The following COL4A3 variants were observed in gnomAD, a reference collection of about 807,000 sequenced individuals.
COL4A3 encodes the protein collagen type IV alpha 3 chain.
COL4A3 carries 135 observed loss-of-function variants against 217.4 expected under a neutral mutation model. The ratio of observed to expected loss-of-function variants is 0.62; its 90% CI spans 0.54 to 0.72. The LOEUF (loss-of-function observed/expected upper bound fraction) is 0.72, where lower values mean the gene tolerates loss of function less well. Among genes scored for constraint, COL4A3 ranks in the 30% least tolerant of loss-of-function variants. The pLI, the probability that COL4A3 is intolerant of heterozygous loss-of-function variation, is 0.00. For missense variants in COL4A3, 1,868 were observed against 2,119.9 expected, an observed-to-expected ratio of 0.88 and a Z score of 2.33; for synonymous variants, 690 against 736.3, an observed-to-expected ratio of 0.94 and a Z score of 1.02.
chr2:227,247,656 T>C lies in COL4A3; in HGVS notation c.468+72T>C, dbSNP rs78706558. On this transcript the variant is annotated intron_variant, in intron 8 of 51. Transcript: ENST00000396578. ...TATGAAAAGGACGTCTATTAAATAA[T>C]GAGACTTAAGTCATTACAAATAAGA... 7.8e-4 allele frequency: 1,104 copies of C among 1,406,510 alleles called. 8 individuals are homozygous for C. The African/African-American group carries it at 0.014, about 18-fold the overall frequency. The allele number at this position is 1,406,510 out of a possible 1,614,324, so 87.1% of individuals were successfully genotyped here.
rs1401465397 is a variant in COL4A3, at chr2:227,304,193, A to G, written c.4153+49A>G. 6 of 1,610,816 alleles carry G rather than the reference A, an allele frequency of 3.7e-6. No homozygotes were observed. The East Asian group carries it at 1.3e-4, about 36-fold the overall frequency. On this transcript the variant is annotated intron_variant, in intron 46 of 51. Transcript: ENST00000396578. ...TGGATCACTAGGAAGTGGTTGAACCAAAATACCTGTAAACTGCTTTGGAAA... is the reference window on the plus strand; with the variant it reads ...TGGATCACTAGGAAGTGGTTGAACCGAAATACCTGTAAACTGCTTTGGAAA...
intron 41 of COL4A3, among the ~76,000 whole-genome samples, chr2:227,296,885 A>G (rs1453793259): frequency 2.0e-5 from 3 of 152,068 alleles, no homozygotes; most frequent in Non-Finnish European, 4.4e-5. Flanking sequence ...CTGCACATCT[A>G]TCTTCCGTTT....
chr2:227,271,194 T>C (rs1031701732), intron 25 of COL4A3, among the ~76,000 whole-genome samples: 5 of 152,154 alleles, frequency 3.3e-5, no homozygotes, highest in Non-Finnish European at 5.9e-5. Context: ...TGACCCCATC[T>C]CATACACAAA....
intron 1 of COL4A3, among the ~76,000 whole-genome samples, chr2:227,215,124 A>G (rs943719069): frequency 6.6e-6 from 1 of 151,926 alleles, no homozygotes; most frequent in Non-Finnish European, 1.5e-5. Context: ...CATTTTGTGG[A>G]TAGGTCAAGA....
At chr2:227,238,670 C>T (rs1365709626) in intron 2 of COL4A3, among the ~76,000 whole-genome samples, 1 of 152,112 alleles carries the variant, frequency 6.6e-6, no homozygotes, top group Non-Finnish European at 1.5e-5. Context: ...TGTTTAACAA[C>T]ATTGAAGGAT....
At chr2:227,229,518 G>A (rs72977863) in intron 1 of COL4A3, among the ~76,000 whole-genome samples, 48,730 of 152,030 alleles carry the variant, frequency 0.32, 8,248 homozygotes, top group Non-Finnish European at 0.36. Context: ...ACTTCAAGAG[G>A]AAATGTCAGG....
At chr2:227,249,230 A>ATATATATATATATTTTTTTT in intron 9 of COL4A3, among the ~76,000 whole-genome samples, 1 of 14,690 alleles carries the variant, frequency 6.8e-5, no homozygotes, top group African/African-American at 2.7e-4. Flanking sequence ...ATATATATAT[A>ATATATATATATATTTTTTTT]TTTTTTTTTT....
At chr2:227,263,677 T>C (rs1471017320) in intron 20 of COL4A3, 103 bp from the exon 21 acceptor site, 7 of 1,219,296 alleles carry the variant, frequency 5.7e-6, no homozygotes, top group Admixed American at 2.2e-5. Flanking sequence ...CTCTCCATTG[T>C]GCAATTTTTA....
chr2:227,255,202 G>A (rs112518904), intron 15 of COL4A3, among the ~76,000 whole-genome samples: 4,683 of 152,170 alleles, frequency 0.031, 125 homozygotes, highest in Admixed American at 0.046. Flanking sequence ...ACTATAATTG[G>A]CCAGGCCAGT....
chr2:227,312,085 T>C lies in COL4A3; in HGVS notation c.*215T>C. On this transcript the variant is annotated 3_prime_UTR_variant, in exon 52 of 52. Coordinates refer to ENST00000396578, the MANE Select transcript of COL4A3 (RefSeq NM_000091.5). Reference sequence around the variant, plus strand: ...ATCTGTGCTGTTTCAAAGTTCTCTGTGGCAAAGCAGCAACTATTCACAAAA... The same window carrying C: ...ATCTGTGCTGTTTCAAAGTTCTCTGCGGCAAAGCAGCAACTATTCACAAAA... 1 of 766,430 alleles carries C rather than the reference T, an allele frequency of 1.3e-6. No individual in the cohort carries two copies. The highest frequency in any genetic ancestry group is 2.0e-6 in the Non-Finnish European group (1 of 493,848). The allele number at this position is 766,430 out of a possible 1,614,324, so 47.5% of individuals were successfully genotyped here.
chr2:227,296,921 AAC>A (rs1457057611), intron 41 of COL4A3, among the ~76,000 whole-genome samples: 1 of 152,220 alleles, frequency 6.6e-6, no homozygotes, highest in African/African-American at 2.4e-5. Flanking sequence ...CTGCTAGAAT[AAC>A]ACAGAGATGG....
chr2:227,195,548 G>A (rs62277822), intron 1 of COL4A3, among the ~76,000 whole-genome samples: 31,663 of 152,014 alleles, frequency 0.21, 3,694 homozygotes, highest in Non-Finnish European at 0.27. Flanking sequence ...TAAAAGTCTA[G>A]CACGTGCAGT....
At chr2:227,214,326 A>G (rs1012416676) in intron 1 of COL4A3, among the ~76,000 whole-genome samples, 1 of 152,186 alleles carries the variant, frequency 6.6e-6, no homozygotes, top group Non-Finnish European at 1.5e-5. Flanking sequence ...ATAGCCTTCA[A>G]ACCCAAGTAT....
intron 21 of COL4A3, 47 bp from the exon 22 acceptor site, chr2:227,266,370 G>A (rs374004885): frequency 1.0e-4 from 149 of 1,420,404 alleles, no homozygotes; most frequent in Non-Finnish European, 1.4e-4. Context: ...CTTGCTAATT[G>A]AAAAAAACAC....
chr2:227,298,296 G>A (rs952820890), intron 42 of COL4A3, among the ~76,000 whole-genome samples: 2 of 152,164 alleles, frequency 1.3e-5, no homozygotes, highest in Admixed American at 1.3e-4. Context: ...AGGCTGCAGT[G>A]AGCTGAGATT....
intron 1 of COL4A3, among the ~76,000 whole-genome samples, chr2:227,192,683 G>A (rs1226748819): frequency 6.6e-6 from 1 of 152,136 alleles, no homozygotes; most frequent in East Asian, 1.9e-4. Flanking sequence ...AGTGAAGGGT[G>A]GGGAGAAGGT....
chr2:227,180,119 C>A (rs1221927972), intron 1 of COL4A3, among the ~76,000 whole-genome samples: 1 of 152,138 alleles, frequency 6.6e-6, no homozygotes, highest in Non-Finnish European at 1.5e-5. Flanking sequence ...CAGATCAAGC[C>A]CTTGTCAGCG....
Position 227,248,300 on chromosome 2 carries a change from A to T in COL4A3, c.469-143A>T, listed in dbSNP as rs112387221. ...GCTTTGAATTCTTCATAATGGAATA[A>T]TTACAAAATCATAAATCATTTCTCT... On this transcript the variant is annotated intron_variant, in intron 8 of 51. Coordinates refer to ENST00000396578, the MANE Select transcript of COL4A3 (RefSeq NM_000091.5). The T allele has an allele frequency of 0.028, 20,422 of 719,890 alleles. 1,012 individuals carry two copies. Among genetic ancestry groups the T allele is most frequent in the Admixed American group, 0.15 (7,536 of 51,604 alleles). 44.6% of individuals were successfully genotyped at this position (719,890 alleles called of 1,614,324 possible).
intron 2 of COL4A3, among the ~76,000 whole-genome samples, chr2:227,239,192 C>T (rs2068873353): frequency 1.3e-5 from 2 of 151,858 alleles, no homozygotes; most frequent in African/African-American, 4.8e-5. Flanking sequence ...GAAAATACTT[C>T]GGGGAGGGGG....
Sources: allele counts gnomAD v4.1 joint callset (sites outside exome capture counted in the v4.1 genomes callset), GRCh38; gene constraint gnomAD v4.1.1; transcripts MANE v1.5; gene names NCBI Gene and HGNC (gene_info 2026-07-23, HGNC 2026-07-21).